Variants in AIM2 observed in about 807,000 individuals in gnomAD.
AIM2 encodes absent in melanoma 2.
A neutral mutation model predicts 27.7 loss-of-function variants in AIM2; 30 were observed. The observed-to-expected ratio is 1.08, with a 90% CI of 0.81 to 1.47. The LOEUF (loss-of-function observed/expected upper bound fraction) is 1.47. Ranked by LOEUF, AIM2 falls within the 40% of genes most tolerant of loss-of-function variation. The probability of loss-of-function intolerance (pLI) is 0.00; values close to 1 mark genes in which losing one functional copy is unlikely to be tolerated. For synonymous variants in AIM2, 141 were observed against 145.3 expected (o/e 0.97, Z 0.21); for missense variants, 358 against 411.3 (o/e 0.87, Z 1.12).
intron 1 of AIM2, among the ~76,000 whole-genome samples, chr1:159,087,649 T>C (rs1656948710): frequency 6.7e-6 from 1 of 149,910 alleles, no homozygotes; most frequent in African/African-American, 2.5e-5. Flanking sequence ...CTCGGCTCAC[T>C]GCAACCTCTG....
chr1:159,075,997 T>A (rs551663345), intron 1 of AIM2, among the ~76,000 whole-genome samples: 1 of 152,300 alleles, frequency 6.6e-6, no homozygotes, highest in African/African-American at 2.4e-5. Flanking sequence ...GAAACTCTAC[T>A]TATACATGTA....
At chr1:159,055,051 T>C in the AIM2 span, 1 of 407,792 alleles carries the variant, frequency 2.5e-6, no homozygotes, top group African/African-American at 2.1e-5. Flanking sequence ...TTGGGAGTGC[T>C]TTTTTAATTT....
intron 1 of AIM2, among the ~76,000 whole-genome samples, chr1:159,084,778 T>TACACACACACACACACAC (rs113134051): frequency 5.1e-4 from 69 of 135,136 alleles, no homozygotes; most frequent in Non-Finnish European, 8.2e-4. Flanking sequence ...CTGTCTGAAA[T>TACACACACACACACACAC]ACACACACAC....
intron 1 of AIM2, among the ~76,000 whole-genome samples, chr1:159,107,714 T>C (rs1657480775): frequency 6.6e-6 from 1 of 151,740 alleles, no homozygotes; most frequent in Non-Finnish European, 1.5e-5. Context: ...AGAAACGAAA[T>C]GGGAGATATT....
intron 2 of AIM2, among the ~76,000 whole-genome samples, chr1:159,072,408 G>A (rs567741376): frequency 6.6e-6 from 1 of 152,286 alleles, no homozygotes; most frequent in South Asian, 2.1e-4. Flanking sequence ...TATAATTTTT[G>A]CTGCTACTGT....
chr1:159,071,076 C>T (rs1656339320), intron 2 of AIM2, among the ~76,000 whole-genome samples: 1 of 152,208 alleles, frequency 6.6e-6, no homozygotes, highest in Non-Finnish European at 1.5e-5. Flanking sequence ...TTATTTTAAT[C>T]TTGCAGGACT....
At chr1:159,131,164 G>A (rs1647863498) in intron 1 of AIM2, among the ~76,000 whole-genome samples, 1 of 152,136 alleles carries the variant, frequency 6.6e-6, no homozygotes, top group African/African-American at 2.4e-5. Flanking sequence ...TTAAGACCCA[G>A]AACCATGCCT....
chr1:159,071,751 C>T (rs553423858), intron 2 of AIM2, among the ~76,000 whole-genome samples: 4 of 152,322 alleles, frequency 2.6e-5, no homozygotes, highest in African/African-American at 9.6e-5. Context: ...CTCAAGTGAT[C>T]CACCCGCCTT....
chr1:159,071,187 C>T (rs746000612), intron 2 of AIM2, among the ~76,000 whole-genome samples: 2 of 152,186 alleles, frequency 1.3e-5, no homozygotes, highest in Non-Finnish European at 2.9e-5. Flanking sequence ...CTCCTGTCTA[C>T]TAATTATTGC....
chr1:159,060,546 G>A (rs1341256902), downstream of AIM2, among the ~76,000 whole-genome samples: 1 of 152,170 alleles, frequency 6.6e-6, no homozygotes, highest in Non-Finnish European at 1.5e-5. Context: ...CCTTCCTGCT[G>A]CTTTGTTGCC....
chr1:159,066,271 C>T lies in AIM2; in HGVS notation c.455G>A (p.Arg152His), dbSNP rs144121944. ...TTTCAGTACCATAACTGGCAAACAG[C>T]GCTTCTGAAACCCTTCTCTGATAGA... ...QESIREGFQK[R>H]CLPVMVLKAK... Residue 152 changes from arginine (R) to histidine (H), a missense_variant, in exon 4 of 6, where the codon CGC becomes CAC. Coordinates refer to ENST00000368130, the MANE Select transcript of AIM2 (RefSeq NM_004833.3). 9.9e-6 allele frequency: 16 copies of T among 1,614,154 alleles called. No homozygotes were observed. The highest frequency in any genetic ancestry group is 8.9e-5 in the East Asian group (4 of 44,878).
intron 3 of AIM2, among the ~76,000 whole-genome samples, chr1:159,067,508 G>A (rs975031285): frequency 6.6e-6 from 1 of 152,196 alleles, no homozygotes; most frequent in Non-Finnish European, 1.5e-5. Flanking sequence ...AAGGGGCCCT[G>A]ATGGGCAGCA....
In AIM2 at chr1:159,063,590, T is replaced by C; in HGVS notation, c.901A>G (p.Thr301Ala). Reference sequence around the variant, plus strand: ...TTATCTCCTTCCTTACATTTCATTGTGTCCTCGTTTCTAACCCCCAGTACT... The same window carrying C: ...TTATCTCCTTCCTTACATTTCATTGCGTCCTCGTTTCTAACCCCCAGTACT... ...MEVLGVRNED[T>A]MKCKEGDKVR... Residue 301 changes from threonine (T) to alanine (A), a missense_variant, in exon 5 of 6, where the codon ACA becomes GCA. Thr to Ala is a moderately conservative substitution (Grantham distance 58). Coordinates refer to ENST00000368130, the MANE Select transcript of AIM2 (RefSeq NM_004833.3). 1.3e-5 allele frequency: 21 copies of C among 1,614,220 alleles called. No homozygotes were observed. Among genetic ancestry groups the C allele is most frequent in the Non-Finnish European group, 1.7e-5 (20 of 1,180,018 alleles).
chr1:159,115,049 A>G (rs1296950124), intron 1 of AIM2, among the ~76,000 whole-genome samples: 2 of 152,240 alleles, frequency 1.3e-5, no homozygotes, highest in African/African-American at 2.4e-5. Context: ...ACAGACAAAC[A>G]GAGAGCCAAA....
intron 1 of AIM2, among the ~76,000 whole-genome samples, chr1:159,108,286 C>CA (rs757888068): frequency 7.2e-5 from 11 of 151,798 alleles, no homozygotes; most frequent in Non-Finnish European, 1.3e-4. Flanking sequence ...TGATAAAAAA[C>CA]AAAAAATCAC....
At chr1:159,088,486 C>T (rs1419515419) in intron 1 of AIM2, among the ~76,000 whole-genome samples, 1 of 152,216 alleles carries the variant, frequency 6.6e-6, no homozygotes, top group East Asian at 1.9e-4. Flanking sequence ...TGTTCCTCCA[C>T]CAAGAACCAG....
chr1:159,084,778 TAC>T (rs113134051), intron 1 of AIM2, among the ~76,000 whole-genome samples: 1,624 of 135,108 alleles, frequency 0.012, 26 homozygotes, highest in African/African-American at 0.04. Context: ...CTGTCTGAAA[TAC>T]ACACACACAC....
downstream of AIM2, among the ~76,000 whole-genome samples, chr1:159,058,942 C>T (rs1396505689): frequency 6.6e-6 from 1 of 152,162 alleles, no homozygotes; most frequent in Non-Finnish European, 1.5e-5. Context: ...AGGGGCCAGG[C>T]TCCTGTCCAC....
At chr1:159,059,283 CAT>C (rs1462398244), downstream of AIM2, among the ~76,000 whole-genome samples, 5 of 151,872 alleles carry the variant, frequency 3.3e-5, no homozygotes, top group South Asian at 1.0e-3. Flanking sequence ...CACACACACA[CAT>C]ATATATATCT....
Sources: gnomAD v4.1 joint callset for allele counts (sites outside exome capture counted in the v4.1 genomes callset) on GRCh38, gnomAD v4.1.1 for gene constraint, MANE v1.5 for transcripts, NCBI Gene and HGNC (gene_info 2026-07-23, HGNC 2026-07-21) for gene names.